Variants in ATP11B observed in about 807,000 individuals in gnomAD.
ATP11B encodes the protein ATPase phospholipid transporting 11B (putative), also known as phospholipid-transporting ATPase IF.
ATP11B carries 81 observed loss-of-function variants against 157.8 expected under a neutral mutation model. The ratio of observed to expected loss-of-function variants is 0.51; its 90% CI spans 0.43 to 0.62. ATP11B has a LOEUF of 0.62. Ranked by LOEUF, ATP11B falls within the 20% of genes least tolerant of loss-of-function variation. The pLI is 0.00. For synonymous variants in ATP11B, 451 were observed against 469.4 expected, an observed-to-expected ratio of 0.96 and a Z score of 0.51; for missense variants, 1,165 against 1,402.2, an observed-to-expected ratio of 0.83 and a Z score of 2.70.
At chr3:182,887,790 G>T (rs947774078) in intron 24 of ATP11B, 77 bp downstream of exon 24, 65 of 1,434,984 alleles carry the variant, frequency 4.5e-5, no homozygotes, top group Non-Finnish European at 1.6e-5. Context: ...ATGTCTTGGT[G>T]ATTAATGCTT....
At chr3:182,893,699 T>C (rs542740667) in intron 25 of ATP11B, among the ~76,000 whole-genome samples, 1 of 152,200 alleles carries the variant, frequency 6.6e-6, no homozygotes, top group Non-Finnish European at 1.5e-5. Context: ...TTCCTCTGGG[T>C]AGATAGAAGG....
At chr3:182,903,560 T>C (rs1724119514) in intron 28 of ATP11B, among the ~76,000 whole-genome samples, 1 of 152,184 alleles carries the variant, frequency 6.6e-6, no homozygotes, top group Non-Finnish European at 1.5e-5. Flanking sequence ...GCTTCAACTT[T>C]AAAAAATATT....
intron 2 of ATP11B, among the ~76,000 whole-genome samples, chr3:182,825,864 C>T (rs1465961486): frequency 6.6e-6 from 1 of 152,096 alleles, no homozygotes; most frequent in Non-Finnish European, 1.5e-5. Context: ...TGCGCCACTG[C>T]ACTCCAGCCT....
chr3:182,883,886 C>T (rs183376879), intron 21 of ATP11B, among the ~76,000 whole-genome samples: 19,047 of 139,806 alleles, frequency 0.14, 1,504 homozygotes, highest in African/African-American at 0.23. Flanking sequence ...ACCTGGGAGG[C>T]GGAGCTTGCA....
chr3:182,893,996 T>A lies in ATP11B; in HGVS notation c.2983-2704T>A, dbSNP rs545063503. On this transcript the variant is annotated intron_variant, in intron 25 of 29. Transcript: ENST00000323116. ...TGTATATCTTCTTTTGAGAATTGCC[T>A]ATTCATGTCCTTAGGCCACTTTTTG... 2.6e-5 allele frequency among the ~76,000 whole-genome samples: 4 copies of A among 152,208 alleles called. No individual in the cohort carries two copies. The South Asian group carries it at 8.3e-4, about 32-fold the overall frequency.
At chr3:182,897,850 T>C (rs1723662958) in intron 27 of ATP11B, among the ~76,000 whole-genome samples, 1 of 152,126 alleles carries the variant, frequency 6.6e-6, no homozygotes, top group African/African-American at 2.4e-5. Context: ...GTAAGTAGTA[T>C]GCATCATCTT....
chr3:182,860,000 C>T (rs1392072898), intron 12 of ATP11B, among the ~76,000 whole-genome samples: 2 of 151,012 alleles, frequency 1.3e-5, no homozygotes, highest in African/African-American at 4.9e-5. Context: ...CTTTCTGCTC[C>T]GATTGGATTA....
intron 23 of ATP11B, among the ~76,000 whole-genome samples, chr3:182,887,035 A>G (rs1318037231): frequency 6.6e-6 from 1 of 152,220 alleles, no homozygotes; most frequent in Non-Finnish European, 1.5e-5. Flanking sequence ...AATAAAAACA[A>G]TATGTAAAGC....
intron 23 of ATP11B, 90 bp from the exon 24 acceptor site, chr3:182,887,496 T>C: frequency 8.8e-7 from 1 of 1,137,474 alleles, no homozygotes; most frequent in East Asian, 2.7e-5. Context: ...TTTAAAACTT[T>C]AATTTTGTTT....
chr3:182,852,053 T>C (rs1385540373), intron 10 of ATP11B, among the ~76,000 whole-genome samples: 1 of 152,072 alleles, frequency 6.6e-6, no homozygotes, highest in African/African-American at 2.4e-5. Context: ...ATAAAACCAA[T>C]CCCAAAAGAT....
At position 182,816,791 on chromosome 3, in the gene ATP11B, A is replaced by G. The variant is rs1258642487; in HGVS notation, c.28-3469A>G. ...TGCACATATATGCAAATTTGCACACAATTTCAGGGATTCACAGAACTAAAG... is the reference window on the plus strand; with the variant it reads ...TGCACATATATGCAAATTTGCACACGATTTCAGGGATTCACAGAACTAAAG... On this transcript the variant is annotated intron_variant, in intron 1 of 29. Coordinates refer to ENST00000323116, the MANE Select transcript of ATP11B (RefSeq NM_014616.3). Among the ~76,000 whole-genome samples the G allele has an allele frequency of 7.9e-5, 12 of 152,282 alleles. No individual in the cohort carries two copies. In the East Asian group the frequency reaches 2.3e-3, roughly 29 times the overall value.
intron 3 of ATP11B, among the ~76,000 whole-genome samples, chr3:182,829,062 C>A (rs1717931809): frequency 6.6e-6 from 1 of 152,116 alleles, no homozygotes; most frequent in Non-Finnish European, 1.5e-5. Flanking sequence ...TTCTGATTTT[C>A]TGCCCATAGA....
At chr3:182,849,834 A>G (rs981349096) in intron 10 of ATP11B, among the ~76,000 whole-genome samples, 2 of 152,196 alleles carry the variant, frequency 1.3e-5, no homozygotes, top group African/African-American at 4.8e-5. Context: ...AAAATATTTG[A>G]AAAAATAATG....
intron 1 of ATP11B, among the ~76,000 whole-genome samples, chr3:182,799,147 A>G (rs942784629): frequency 3.9e-5 from 6 of 152,258 alleles, no homozygotes; most frequent in Non-Finnish European, 8.8e-5. Flanking sequence ...GCTGCCTGAT[A>G]GACTAACTGC....
At chr3:182,859,444 T>G in intron 12 of ATP11B, 85 bp downstream of exon 12, 10 of 1,197,934 alleles carry the variant, frequency 8.3e-6, no homozygotes, top group Non-Finnish European at 1.1e-5. Context: ...TAACAAGGTA[T>G]TATGATGCTT....
At chr3:182,875,961 T>C (rs1722010929) in intron 19 of ATP11B, among the ~76,000 whole-genome samples, 1 of 152,168 alleles carries the variant, frequency 6.6e-6, no homozygotes, top group African/African-American at 2.4e-5. Flanking sequence ...AAATATTTTT[T>C]TCTGGCTGGG....
chr3:182,918,214 A>G lies in ATP11B; in HGVS notation c.*110A>G. Reference sequence around the variant, plus strand: ...TGAAATTAATTTCCAAAATCTTTGTAGTAGTTCATACCCACTCAGAGTTAT... The same window carrying G: ...TGAAATTAATTTCCAAAATCTTTGTGGTAGTTCATACCCACTCAGAGTTAT... On this transcript the variant is annotated 3_prime_UTR_variant, in exon 30 of 30. Transcript: ENST00000323116. 1 of 1,492,558 alleles carries G rather than the reference A, an allele frequency of 6.7e-7. No individual in the cohort carries two copies. The allele number at this position is 1,492,558 out of a possible 1,614,324, so 92.5% of individuals were successfully genotyped here.
At chr3:182,828,988 G>T (rs1717925542) in intron 3 of ATP11B, among the ~76,000 whole-genome samples, 1 of 152,062 alleles carries the variant, frequency 6.6e-6, no homozygotes, top group Admixed American at 6.6e-5. Context: ...TCATTTTAAT[G>T]CTTTAGGAAA....
At chr3:182,808,184 A>C (rs1350056106) in intron 1 of ATP11B, among the ~76,000 whole-genome samples, 1 of 152,148 alleles carries the variant, frequency 6.6e-6, no homozygotes, top group African/African-American at 2.4e-5. Flanking sequence ...ACTCTTGCTT[A>C]TTTTAGCTCT....
Sources: gnomAD v4.1 joint callset for allele counts (sites outside exome capture counted in the v4.1 genomes callset) on GRCh38, gnomAD v4.1.1 for gene constraint, MANE v1.5 for transcripts, NCBI Gene and HGNC (gene_info 2026-07-23, HGNC 2026-07-21) for gene names.